Variants in SYNE3 observed in about 807,000 individuals in gnomAD.
SYNE3 encodes the protein nesprin-3.
A neutral mutation model predicts 111.2 loss-of-function variants in SYNE3; 100 were observed. The ratio of observed to expected loss-of-function variants is 0.90; its 90% CI spans 0.77 to 1.06. SYNE3 has a LOEUF of 1.06. Among genes scored for constraint, SYNE3 ranks in the 50% least tolerant of loss-of-function variants. The probability of loss-of-function intolerance (pLI) is 0.00; values close to 1 mark genes in which losing one functional copy is unlikely to be tolerated. For missense variants in SYNE3, 1,160 were observed against 1,240.3 expected (o/e 0.94, Z 0.97); for synonymous variants, 547 against 533.9 (o/e 1.02, Z -0.34).
chr14:95,478,487 T>A (rs1889026848), intron 1 of SYNE3, among the ~76,000 whole-genome samples: 1 of 152,146 alleles, frequency 6.6e-6, no homozygotes, highest in African/African-American at 2.4e-5. Flanking sequence ...GGGTCCTCCC[T>A]TTTTCTGCCC....
At chr14:95,469,464 G>A (rs892302222) in intron 2 of SYNE3, among the ~76,000 whole-genome samples, 2 of 150,258 alleles carry the variant, frequency 1.3e-5, no homozygotes, top group Non-Finnish European at 2.9e-5. Flanking sequence ...GGAGGCTGAG[G>A]CAGGAGAATT....
At chr14:95,481,583 G>C (rs1889255673) in intron 1 of SYNE3, among the ~76,000 whole-genome samples, 2 of 152,206 alleles carry the variant, frequency 1.3e-5, no homozygotes, top group South Asian at 4.1e-4. Flanking sequence ...GAGGCTGTCA[G>C]AGAAACCCCC....
Position 95,433,414 on chromosome 14 carries a change from G to T in SYNE3, c.2539-5C>A, listed in dbSNP as rs749955924. 3 of 1,613,848 alleles carry T rather than the reference G, an allele frequency of 1.9e-6. No homozygotes were observed. In the South Asian group the frequency reaches 3.3e-5, roughly 18 times the overall value. The stretch of plus-strand genomic sequence containing the variant: ...TGGCACCCGAGCCTCCAGCTCCTGG[G>T]GGAAACAGCAGCGTCATGGTGCGGC... On this transcript the variant is annotated splice_polypyrimidine_tract_variant and splice_region_variant and intron_variant, in intron 15 of 17. Coordinates refer to ENST00000682763, the MANE Select transcript of SYNE3 (RefSeq NM_152592.6).
rs748350441 is a variant in SYNE3 at position 95,439,994 on chromosome 14, C to G, written c.1993G>C (p.Val665Leu). The G allele has an allele frequency of 3.1e-6, 5 of 1,613,402 alleles. No individual in the cohort carries two copies. Among genetic ancestry groups the G allele is most frequent in the Admixed American group, 1.7e-5 (1 of 60,016 alleles). Residue 665 changes from valine to leucine, a missense_variant, in exon 12 of 18, where the codon GTT (valine) becomes CTT (leucine). Transcript: ENST00000682763. ...GCCTCCAGCTTTTGCGTGGTCACAACGATCCACTGCCGCAGCTCCAGCAGC... is the reference window on the plus strand; with the variant it reads ...GCCTCCAGCTTTTGCGTGGTCACAAGGATCCACTGCCGCAGCTCCAGCAGC... ...HQLLELRQWI[V>L]VTTQKLEAHR... is the part of the protein sequence containing the mutation.
chr14:95,499,938 C>T (rs1011242824), intron 1 of SYNE3, among the ~76,000 whole-genome samples: 1 of 144,346 alleles, frequency 6.9e-6, no homozygotes, highest in Non-Finnish European at 1.5e-5. Flanking sequence ...CAGCTCACTG[C>T]AACCTCCGCC....
At chr14:95,499,185 G>T (rs1003135992) in intron 1 of SYNE3, among the ~76,000 whole-genome samples, 20 of 152,176 alleles carry the variant, frequency 1.3e-4, no homozygotes, top group Admixed American at 5.9e-4. Context: ...TCATTTCCCG[G>T]GAAACCTGCC....
chr14:95,508,637 G>C (rs1048068038), intron 1 of SYNE3, among the ~76,000 whole-genome samples: 1 of 152,210 alleles, frequency 6.6e-6, no homozygotes, highest in Non-Finnish European at 1.5e-5. Flanking sequence ...GGCCGGGGGA[G>C]GCACTTTTTA....
At chr14:95,468,156 G>T (rs557900383) in intron 2 of SYNE3, among the ~76,000 whole-genome samples, 189 bp from the exon 3 acceptor site, 1 of 152,212 alleles carries the variant, frequency 6.6e-6, no homozygotes, top group Non-Finnish European at 1.5e-5. Context: ...GGTAGGAGGC[G>T]GGAGCAAAGG....
At chr14:95,509,944 G>T (rs1284325505) in intron 1 of SYNE3, among the ~76,000 whole-genome samples, 1 of 152,186 alleles carries the variant, frequency 6.6e-6, no homozygotes, top group Non-Finnish European at 1.5e-5. Context: ...ATACCATCTT[G>T]GCCCTGAAGT....
Position 95,475,773 on chromosome 14 carries a change from G to A in SYNE3, c.49C>T (p.Gln17Ter). Reference sequence around the variant, plus strand: ...TCCTGCACAGCCTTCATCCATGCCTGGGCATCCTCCACGCTCCTGTCAAAG... The same window carrying A: ...TCCTGCACAGCCTTCATCCATGCCTAGGCATCCTCCACGCTCCTGTCAAAG... ...DDFDRSVEDA[Q>*]AWMKAVQDQL... is the part of the protein sequence containing the mutation. Residue 17 changes from glutamine to a stop codon, truncating the protein, a stop_gained, in exon 2 of 18, where the codon CAG (glutamine) becomes TAG (stop). Transcript: ENST00000682763. LOFTEE classifies it high-confidence loss of function. 1 of 1,605,090 alleles carries A rather than the reference G, an allele frequency of 6.2e-7. No homozygotes were observed. The highest frequency in any genetic ancestry group is 2.3e-5 in the East Asian group (1 of 44,368).
intron 1 of SYNE3, among the ~76,000 whole-genome samples, chr14:95,509,005 A>G (rs1418399432): frequency 6.6e-6 from 1 of 152,256 alleles, no homozygotes; most frequent in East Asian, 1.9e-4. Context: ...ATTTAATAAT[A>G]GTAGTAATAA....
At position 95,415,032 on chromosome 14, in the gene SYNE3, G is replaced by C. The variant is rs1296126196; in HGVS notation, c.*2794C>G. 1 of 150,958 alleles carries C rather than the reference G, an allele frequency of 6.6e-6. No homozygotes were observed. 9.4% of individuals were successfully genotyped at this position (150,958 alleles called of 1,614,324 possible). A position where few individuals can be genotyped will look rare whatever the true frequency, so the allele number is the denominator to read the frequency against. The stretch of plus-strand genomic sequence containing the variant: ...TTCCCACCCCCGCCCGCATGTTCCA[G>C]CTTCTCCTTCCCCAACATGTGGTAT... On this transcript the variant is annotated 3_prime_UTR_variant, in exon 18 of 18. Transcript: ENST00000682763.
rs183286701 is a variant in SYNE3, at chr14:95,425,017, A to G, written c.2728-6991T>C. Among the ~76,000 whole-genome samples the G allele has an allele frequency of 4.7e-4, 71 of 152,332 alleles. 2 individuals carry two copies. The highest frequency in any genetic ancestry group is 1.5e-3 in the African/African-American group (64 of 41,580). ...CACTTTGAAAGGCCAAGGCAGGTGG[A>G]TCACTTGAGGTCAGGAGTTTGAGAC... On this transcript the variant is annotated intron_variant, in intron 17 of 17. Transcript: ENST00000682763.
intron 1 of SYNE3, among the ~76,000 whole-genome samples, chr14:95,482,807 T>G (rs920902312): frequency 1.1e-4 from 16 of 152,312 alleles, no homozygotes; most frequent in African/African-American, 3.9e-4. Flanking sequence ...TTATCCTACA[T>G]AGGCCCAGTG....
intron 5 of SYNE3, chr14:95,456,040 A>G: frequency 2.4e-6 from 1 of 424,018 alleles, no homozygotes; most frequent in Non-Finnish European, 4.2e-6. Context: ...TTCAGCTGGA[A>G]ACAGTGTGGA....
At chr14:95,476,930 T>C (rs1888921230) in intron 1 of SYNE3, among the ~76,000 whole-genome samples, 1 of 152,236 alleles carries the variant, frequency 6.6e-6, no homozygotes. Flanking sequence ...ATGGTACACT[T>C]GCACTTTAGA....
chr14:95,446,926 A>G (rs1051986674), intron 8 of SYNE3, among the ~76,000 whole-genome samples: 2 of 152,162 alleles, frequency 1.3e-5, no homozygotes, highest in Non-Finnish European at 2.9e-5. Flanking sequence ...GTTTCAGGTA[A>G]GCACCTCTTG....
intron 4 of SYNE3, among the ~76,000 whole-genome samples, chr14:95,463,431 C>T (rs1887967413): frequency 1.3e-5 from 2 of 152,220 alleles, no homozygotes; most frequent in Non-Finnish European, 2.9e-5. Flanking sequence ...CACACCCATG[C>T]ACATACATGC....
intron 1 of SYNE3, among the ~76,000 whole-genome samples, chr14:95,515,920 T>A (rs938513947): frequency 7.2e-5 from 11 of 152,220 alleles, no homozygotes; most frequent in Admixed American, 6.5e-5. Context: ...TCAATGGGTC[T>A]GCTGTTTGGG....
Sources: gnomAD v4.1 joint callset for allele counts (sites outside exome capture counted in the v4.1 genomes callset) on GRCh38, gnomAD v4.1.1 for gene constraint, MANE v1.5 for transcripts, NCBI Gene and HGNC (gene_info 2026-07-23, HGNC 2026-07-21) for gene names.